The following TMEM132D variants were observed in gnomAD, a reference collection of about 807,000 sequenced individuals.
TMEM132D encodes the protein transmembrane protein 132D, also known as mature OL transmembrane protein.
In TMEM132D, 21 loss-of-function variants were observed where a neutral mutation model predicts 62.3. The ratio of observed to expected loss-of-function variants is 0.34; its 90% confidence interval spans 0.24 to 0.49. The LOEUF is 0.49. Among genes scored for constraint, TMEM132D ranks in the 20% least tolerant of loss-of-function variants. The pLI, the probability that TMEM132D is intolerant of heterozygous loss-of-function variation, is 0.99. For synonymous variants in TMEM132D, 621 were observed against 575.6 expected (o/e 1.08, Z -1.13); for missense variants, 1,346 against 1,402.8 (o/e 0.96, Z 0.65).
intron 1 of TMEM132D, among the ~76,000 whole-genome samples, chr12:129,836,454 T>C (rs1299914941): frequency 1.6e-4 from 25 of 152,020 alleles, no homozygotes; most frequent in Non-Finnish European, 2.9e-5. Context: ...ACTAAATGAT[T>C]CTGATAACTA....
intron 2 of TMEM132D, among the ~76,000 whole-genome samples, chr12:129,535,432 C>A (rs941683208): frequency 1.3e-5 from 2 of 152,188 alleles, no homozygotes; most frequent in Non-Finnish European, 2.9e-5. Context: ...TCTCCCTCCA[C>A]CACAACCACC....
intron 3 of TMEM132D, among the ~76,000 whole-genome samples, chr12:129,392,010 G>C (rs1871302489): frequency 6.6e-6 from 1 of 152,032 alleles, no homozygotes; most frequent in South Asian, 2.1e-4. Flanking sequence ...GCCTGCCTCA[G>C]CCTCCCAAAG....
At chr12:129,758,337 T>G (rs1870238991) in intron 1 of TMEM132D, among the ~76,000 whole-genome samples, 1 of 152,240 alleles carries the variant, frequency 6.6e-6, no homozygotes, top group African/African-American at 2.4e-5. Context: ...TTATTCTTTA[T>G]GATTCCACTT....
chr12:129,594,137 G>T (rs1878269396), intron 2 of TMEM132D, among the ~76,000 whole-genome samples: 1 of 152,172 alleles, frequency 6.6e-6, no homozygotes, highest in Non-Finnish European at 1.5e-5. Context: ...AAACAGGAAT[G>T]GTTCAGAGCC....
intron 4 of TMEM132D, among the ~76,000 whole-genome samples, chr12:129,322,312 T>A (rs1021632844): frequency 6.6e-6 from 1 of 152,146 alleles, no homozygotes; most frequent in African/African-American, 2.4e-5. Context: ...GAGCCAGACA[T>A]CCATGTTACT....
chr12:129,813,017 T>C (rs1361200813), intron 1 of TMEM132D, among the ~76,000 whole-genome samples: 1 of 151,842 alleles, frequency 6.6e-6, no homozygotes, highest in African/African-American at 2.4e-5. Flanking sequence ...CTCCTGCGCC[T>C]TCCACTTCTT....
chr12:129,472,614 A>C (rs1489173077), intron 3 of TMEM132D, among the ~76,000 whole-genome samples: 1 of 151,990 alleles, frequency 6.6e-6, no homozygotes, highest in Non-Finnish European at 1.5e-5. Flanking sequence ...ACAAACAAAA[A>C]ACAACCCCAT....
intron 5 of TMEM132D, among the ~76,000 whole-genome samples, chr12:129,154,073 G>A (rs1392694218): frequency 2.0e-5 from 3 of 152,164 alleles, no homozygotes; most frequent in Non-Finnish European, 2.9e-5. Context: ...TGACACAGGC[G>A]TTTCATCATC....
At chr12:129,398,317 C>A (rs1405928455) in intron 3 of TMEM132D, among the ~76,000 whole-genome samples, 1 of 152,210 alleles carries the variant, frequency 6.6e-6, no homozygotes, top group African/African-American at 2.4e-5. Flanking sequence ...TGAAGCTTGT[C>A]ACTTCATGGT....
chr12:129,376,603 AGTACCTCAGTAT>A (rs1411804213), intron 3 of TMEM132D, among the ~76,000 whole-genome samples: 1 of 152,176 alleles, frequency 6.6e-6, no homozygotes, highest in African/African-American at 2.4e-5. Flanking sequence ...CCTAACCCCC[AGTACCTCAGTAT>A]GTGATGACTT....
chr12:129,578,524 CACAT>C (rs998968242), intron 2 of TMEM132D, among the ~76,000 whole-genome samples: 48 of 151,614 alleles, frequency 3.2e-4, no homozygotes, highest in Middle Eastern at 3.4e-3. Context: ...CGCACACACA[CACAT>C]ACACATATAT....
At chr12:129,567,696 T>C (rs1877406702) in intron 2 of TMEM132D, among the ~76,000 whole-genome samples, 1 of 152,192 alleles carries the variant, frequency 6.6e-6, no homozygotes, top group Admixed American at 6.5e-5. Context: ...TTTCATAAAA[T>C]TACATCATTT....
At chr12:129,480,635 C>T (rs1874401477) in intron 3 of TMEM132D, among the ~76,000 whole-genome samples, 1 of 152,224 alleles carries the variant, frequency 6.6e-6, no homozygotes, top group African/African-American at 2.4e-5. Flanking sequence ...TGAAACCCCA[C>T]ACTCCATCTT....
At chr12:129,236,670 C>T (rs1444848048) in intron 4 of TMEM132D, among the ~76,000 whole-genome samples, 2 of 151,954 alleles carry the variant, frequency 1.3e-5, no homozygotes, top group Non-Finnish European at 2.9e-5. Context: ...ATGTCATTTG[C>T]AGAGACAAGT....
chr12:129,535,739 T>C (rs930409407), intron 2 of TMEM132D, among the ~76,000 whole-genome samples: 62 of 151,612 alleles, frequency 4.1e-4, no homozygotes, highest in African/African-American at 1.4e-3. Context: ...GGAATTTCAG[T>C]GTTTTGTTTG....
rs953843199 is a variant in TMEM132D, at chr12:129,501,663, C to A, written c.1115+29396G>T. On this transcript the variant is annotated intron_variant, in intron 3 of 8. Coordinates refer to ENST00000422113, the MANE Select transcript of TMEM132D (RefSeq NM_133448.3). ...GGGCCTATAGATGCACACCATCACG[C>A]CTGGCCAACTTTTGTAATTTTTTGT... Among the ~76,000 whole-genome samples, 4 of 152,042 alleles carry A rather than the reference C, an allele frequency of 2.6e-5. No homozygotes were observed. The South Asian group carries it at 8.3e-4, about 32-fold the overall frequency.
intron 4 of TMEM132D, among the ~76,000 whole-genome samples, chr12:129,276,371 T>C (rs1206366195): frequency 2.0e-5 from 3 of 152,246 alleles, no homozygotes; most frequent in Non-Finnish European, 4.4e-5. Flanking sequence ...GCCAATTTTT[T>C]TCTCAGATAG....
chr12:129,837,478 A>C (rs1183224797), intron 1 of TMEM132D, among the ~76,000 whole-genome samples: 1 of 152,240 alleles, frequency 6.6e-6, no homozygotes, highest in Non-Finnish European at 1.5e-5. Flanking sequence ...GGTAAAATAC[A>C]AACAAAAGAC....
chr12:129,266,122 G>A (rs111422136), intron 4 of TMEM132D, among the ~76,000 whole-genome samples: 2,381 of 152,208 alleles, frequency 0.016, 67 homozygotes, highest in African/African-American at 0.054. Context: ...TGGCCTTTGT[G>A]CTGCCATATT....
Sources: allele counts gnomAD v4.1 joint callset (sites outside exome capture counted in the v4.1 genomes callset), GRCh38; gene constraint gnomAD v4.1.1; transcripts MANE v1.5; gene names NCBI Gene and HGNC (gene_info 2026-07-23, HGNC 2026-07-21).